The following GRIP2 variants were observed in gnomAD, a reference collection of about 807,000 sequenced individuals.
GRIP2 encodes the protein glutamate receptor interacting protein 2.
Under a neutral mutation model 108.3 loss-of-function variants are expected in GRIP2, and 58 were observed. The observed-to-expected ratio is 0.54, with a 90% confidence interval of 0.43 to 0.67. The LOEUF is 0.67. Ranked by LOEUF, GRIP2 falls within the 30% of genes least tolerant of loss-of-function variation. The pLI is 0.00. For synonymous variants in GRIP2, 586 were observed against 598.2 expected (o/e 0.98, Z 0.30); for missense variants, 1,278 against 1,430.6 (o/e 0.89, Z 1.72).
At chr3:14,574,876 T>C in the GRIP2 span, 2 of 301,878 alleles carry the variant, frequency 6.6e-6, no homozygotes, top group Non-Finnish European at 1.3e-5. Context: ...TCATGCTGAA[T>C]GAAAAGGGCT....
chr3:14,526,016 T>C (rs772919223), intron 1 of GRIP2, 85 bp from the exon 2 acceptor site: 1 of 1,217,550 alleles, frequency 8.2e-7, no homozygotes, highest in South Asian at 1.3e-5. Context: ...TTTTCCACTC[T>C]GTGGACGTGG....
At position 14,490,619 on chromosome 3, in the gene GRIP2, T is replaced by C. The variant is rs1701313946; in HGVS notation, c.*3046A>G. 2 of 152,270 alleles carry C rather than the reference T, an allele frequency of 1.3e-5. No homozygotes were observed. Among genetic ancestry groups the C allele is most frequent in the South Asian group, 2.1e-4 (1 of 4,828 alleles). The allele number at this position is 152,270 out of a possible 1,614,324, so 9.4% of individuals were successfully genotyped here. A position where few individuals can be genotyped will look rare whatever the true frequency, so the allele number is the denominator to read the frequency against. Reference sequence around the variant, plus strand: ...GCTTTCTGCTGCGCAGAGAATCAAATTTGCTCCCCCTACCCAAGCCTTCAC... The same window carrying C: ...GCTTTCTGCTGCGCAGAGAATCAAACTTGCTCCCCCTACCCAAGCCTTCAC... On this transcript the variant is annotated 3_prime_UTR_variant, in exon 24 of 24. Transcript: ENST00000621039.
chr3:14,498,023 C>A (rs1693662142), intron 21 of GRIP2, among the ~76,000 whole-genome samples: 1 of 152,168 alleles, frequency 6.6e-6, no homozygotes, highest in Admixed American at 6.5e-5. Flanking sequence ...CACAGGCACA[C>A]AATTGTCTCC....
chr3:14,502,801 A>G (rs1250497426), intron 21 of GRIP2, among the ~76,000 whole-genome samples: 1 of 152,214 alleles, frequency 6.6e-6, no homozygotes, highest in Non-Finnish European at 1.5e-5. Context: ...AGCTAAACAA[A>G]CAAATGAATA....
At chr3:14,596,794 G>A in the GRIP2 span, among the ~76,000 whole-genome samples, 4 of 151,840 alleles carry the variant, frequency 2.6e-5, no homozygotes, top group East Asian at 1.9e-4. Context: ...AGGCTGGAGC[G>A]CAGTGGTACA....
At chr3:14,569,074 C>T in the GRIP2 span, among the ~76,000 whole-genome samples, 3 of 152,130 alleles carry the variant, frequency 2.0e-5, no homozygotes, top group Non-Finnish European at 4.4e-5. Context: ...ATCAGGATTA[C>T]GGGGAGGGGT....
chr3:14,496,630 C>A (rs1343988607), intron 21 of GRIP2, 70 bp from the exon 22 acceptor site: 7 of 1,535,800 alleles, frequency 4.6e-6, no homozygotes, highest in Non-Finnish European at 6.1e-6. Flanking sequence ...CATCCACTGA[C>A]AACTACTATG....
At chr3:14,526,687 C>A (rs1694563195) in intron 1 of GRIP2, among the ~76,000 whole-genome samples, 1 of 152,174 alleles carries the variant, frequency 6.6e-6, no homozygotes, top group Non-Finnish European at 1.5e-5. Context: ...CCACACCCAC[C>A]CTTCTCTCAT....
At chr3:14,555,285 C>T (rs1168253300) in intron 1 of GRIP2, among the ~76,000 whole-genome samples, 2 of 152,006 alleles carry the variant, frequency 1.3e-5, no homozygotes, top group Admixed American at 6.5e-5. Context: ...CTCCCCCACA[C>T]ACAGCGCCCC....
chr3:14,550,103 C>T (rs1695121372), intron 1 of GRIP2, among the ~76,000 whole-genome samples: 1 of 152,206 alleles, frequency 6.6e-6, no homozygotes, highest in Admixed American at 6.5e-5. Flanking sequence ...TGTTTGAGGA[C>T]AGGGCTTGAC....
the GRIP2 span, among the ~76,000 whole-genome samples, chr3:14,591,422 C>G: frequency 6.6e-6 from 1 of 152,144 alleles, no homozygotes; most frequent in African/African-American, 2.4e-5. Flanking sequence ...AGCAGCGCAT[C>G]TTTGGGCAAT....
chr3:14,570,587 A>G, the GRIP2 span, among the ~76,000 whole-genome samples: 1 of 152,380 alleles, frequency 6.6e-6, no homozygotes, highest in South Asian at 2.1e-4. Flanking sequence ...CTATTACAGC[A>G]ATTTCACACA....
intron 20 of GRIP2, chr3:14,503,889 G>A: frequency 1.7e-6 from 1 of 572,592 alleles, no homozygotes; most frequent in Middle Eastern, 4.7e-4. Flanking sequence ...GGGCGACCAG[G>A]ACTGTCGGTG....
At position 14,517,223 on chromosome 3, in the gene GRIP2, T is replaced by C. The variant is rs777513819; in HGVS notation, c.1157-10A>G. 1.2e-5 allele frequency: 18 copies of C among 1,558,832 alleles called. No individual in the cohort carries two copies. The Admixed American group carries it at 3.2e-4, about 27-fold the overall frequency. On this transcript the variant is annotated splice_polypyrimidine_tract_variant and intron_variant, in intron 10 of 23. Coordinates refer to ENST00000621039, the MANE Select transcript of GRIP2 (RefSeq NM_001080423.4). ...GGAGTTGAAGACAAGGCTGGGGAGA[T>C]GAGAGCACAGCCCCGTGAACCCCAG...
intron 1 of GRIP2, among the ~76,000 whole-genome samples, chr3:14,528,342 A>G (rs1334444582): frequency 6.6e-6 from 1 of 152,256 alleles, no homozygotes; most frequent in African/African-American, 2.4e-5. Context: ...GAATAAAGCC[A>G]TAATAAACAT....
At chr3:14,573,530 G>T in the GRIP2 span, 1 of 1,489,160 alleles carries the variant, frequency 6.7e-7, no homozygotes, top group Non-Finnish European at 9.4e-7. Flanking sequence ...GCACCTGAGA[G>T]CAGAGCATGG....
In GRIP2 at chr3:14,521,860, GA is replaced by G; in HGVS notation, c.567-74del. 7.3e-7 allele frequency: 1 copy of G among 1,372,254 alleles called. No individual in the cohort carries two copies. The highest frequency in any genetic ancestry group is 1.5e-5 in the African/African-American group (1 of 68,650). 85.0% of individuals were successfully genotyped at this position (1,372,254 alleles called of 1,614,324 possible). ...CACAGCCTGTCTGGGAGGGCGCTGG[GA>G]AGCGGGACATGGAGGATGAAGAAGC... On this transcript the variant is annotated intron_variant, in intron 6 of 23. Coordinates refer to ENST00000621039, the MANE Select transcript of GRIP2 (RefSeq NM_001080423.4). The surrounding 1 kb of genome is among the most constrained non-coding windows in gnomAD (Gnocchi z 5.1).
chr3:14,577,683 C>A, the GRIP2 span, among the ~76,000 whole-genome samples: 1 of 152,242 alleles, frequency 6.6e-6, no homozygotes, highest in Non-Finnish European at 1.5e-5. Flanking sequence ...TGGGAAGACA[C>A]TGACCAACAG....
At chr3:14,546,193 C>T (rs1022114318), upstream of GRIP2, among the ~76,000 whole-genome samples, 6 of 152,052 alleles carry the variant, frequency 3.9e-5, no homozygotes, top group East Asian at 1.9e-4. Context: ...TGAGAAGGCA[C>T]AAAGGGAGGA....
Sources: allele counts gnomAD v4.1 joint callset (sites outside exome capture counted in the v4.1 genomes callset), GRCh38; gene constraint gnomAD v4.1.1; non-coding constraint Gnocchi (gnomAD v3.1); transcripts MANE v1.5; gene names NCBI Gene and HGNC (gene_info 2026-07-23, HGNC 2026-07-21).